MMS22L: variants seen among roughly 807,000 people sequenced by gnomAD.
MMS22L encodes the protein protein MMS22-like.
A neutral mutation model predicts 159.1 loss-of-function variants in MMS22L; 74 were observed. The ratio of observed to expected loss-of-function variants is 0.47; its 90% CI spans 0.39 to 0.56. The LOEUF is 0.56. MMS22L is among the 20% of genes least tolerant of loss of function. The pLI, the probability that MMS22L is intolerant of heterozygous loss-of-function variation, is 0.00. For missense variants in MMS22L, 1,351 were observed against 1,422.1 expected, an observed-to-expected ratio of 0.95 and a Z score of 0.80; for synonymous variants, 517 against 506.9, an observed-to-expected ratio of 1.02 and a Z score of -0.27.
intron 23 of MMS22L, among the ~76,000 whole-genome samples, chr6:97,151,272 T>C (rs1321091921): frequency 6.6e-6 from 1 of 152,234 alleles, no homozygotes; most frequent in Non-Finnish European, 1.5e-5. Flanking sequence ...ACCTTTTCTA[T>C]GTTTGGATAC....
intron 14 of MMS22L, among the ~76,000 whole-genome samples, chr6:97,227,105 C>A (rs913355970): frequency 2.0e-5 from 3 of 151,444 alleles, no homozygotes; most frequent in African/African-American, 7.3e-5. Context: ...TTAACAAAAA[C>A]CAAAAAGATT....
intron 14 of MMS22L, among the ~76,000 whole-genome samples, chr6:97,195,766 G>A (rs1035079234): frequency 1.3e-5 from 2 of 152,142 alleles, no homozygotes; most frequent in African/African-American, 4.8e-5. Context: ...TCAGGTAATG[G>A]CAAACAGAAT....
At chr6:97,190,051 T>G (rs371217969) in intron 14 of MMS22L, among the ~76,000 whole-genome samples, 5 of 152,196 alleles carry the variant, frequency 3.3e-5, no homozygotes, top group Non-Finnish European at 7.3e-5. Context: ...TAAAATCACA[T>G]GTTTGAACCA....
intron 3 of MMS22L, 129 bp from the exon 4 acceptor site, chr6:97,279,027 T>C: frequency 1.5e-6 from 1 of 645,978 alleles, no homozygotes; most frequent in East Asian, 2.9e-5. Context: ...ATTAATACCT[T>C]GTGAATGTTA....
At position 97,231,568 on chromosome 6, in the gene MMS22L, T is replaced by G; in HGVS notation, c.1387A>C (p.Lys463Gln). 6.2e-7 allele frequency: 1 copy of G among 1,613,894 alleles called. No homozygotes were observed. Among genetic ancestry groups the G allele is most frequent in the African/African-American group, 1.3e-5 (1 of 75,038 alleles). The part of the protein sequence containing the change: ...KSPLSMLEMV[K>Q]TCCCDKQDQE... ...TCTTGTTTATCGCAACAGCAAGTCT[T>G]CACCATTTCAAGCATAGACAAGGGT... The change falls in exon 13 of 25, where the codon AAG becomes CAG. Residue 463 changes from lysine to glutamine, a missense_variant. Lys to Gln is a moderately conservative substitution (Grantham distance 53, BLOSUM62 1). Transcript: ENST00000683635.
Position 97,178,566 on chromosome 6 carries a change from C to G in MMS22L, c.2556G>C (p.Gln852His). The G allele has an allele frequency of 6.5e-7, 1 of 1,536,606 alleles. No homozygotes were observed. The highest frequency in any genetic ancestry group is 8.9e-7 in the Non-Finnish European group (1 of 1,124,416). ...EEAVEKEYMK[Q>H]LVKLTRLLFN... is the part of the protein sequence containing the mutation. The stretch of plus-strand genomic sequence containing the variant: ...ATAGTAATCTTGTCAGTTTGACCAA[C>G]TGTTTCATGTACTCTTTTTCTGTTA... The change falls in exon 18 of 25, where the codon CAG becomes CAC. Residue 852 changes from glutamine to histidine, a missense_variant. By Grantham distance (24) the Gln-to-His change is conservative. Transcript: ENST00000683635.
At chr6:97,283,765 A>G (rs1194522590), upstream of MMS22L, among the ~76,000 whole-genome samples, 1 of 152,246 alleles carries the variant, frequency 6.6e-6, no homozygotes, top group Non-Finnish European at 1.5e-5. Context: ...TCAAGTGCAC[A>G]TGAAACATTC....
At chr6:97,225,444 G>A (rs1221645227) in intron 14 of MMS22L, among the ~76,000 whole-genome samples, 4 of 151,658 alleles carry the variant, frequency 2.6e-5, no homozygotes, top group African/African-American at 7.3e-5. Flanking sequence ...ACCACCTCCC[G>A]GGTTCAAGCA....
intron 4 of MMS22L, among the ~76,000 whole-genome samples, chr6:97,277,282 G>A (rs1248615635): frequency 6.6e-6 from 1 of 151,984 alleles, no homozygotes; most frequent in Non-Finnish European, 1.5e-5. Context: ...GTGTGGTGGT[G>A]TGCGCCTGTA....
chr6:97,269,933 T>C lies in MMS22L; in HGVS notation c.666A>G (p.Leu222=), dbSNP rs145915451. Residue 222 remains leucine (L), a synonymous_variant, in exon 7 of 25, where the codon CTA becomes CTG. Transcript: ENST00000683635. Reference sequence around the variant, plus strand: ...TTTCACCCAGCATGTAAAGAATTTCTAGCACCAGCCAATGTATATCCAAGT... The same window carrying C: ...TTTCACCCAGCATGTAAAGAATTTCCAGCACCAGCCAATGTATATCCAAGT... ...HLHLDIHWLV[L]EILYMLGEKL... The C allele has an allele frequency of 6.2e-7, 1 of 1,612,016 alleles. No homozygotes were observed. Among genetic ancestry groups the C allele is most frequent in the Non-Finnish European group, 8.5e-7 (1 of 1,178,830 alleles).
At position 97,233,716 on chromosome 6, in the gene MMS22L, T is replaced by C. The variant is rs780054345; in HGVS notation, c.1302+145A>G. The C allele has an allele frequency of 5.6e-6, 4 of 720,134 alleles. No individual in the cohort carries two copies. In the South Asian group the frequency reaches 1.2e-4, roughly 22 times the overall value. 44.6% of individuals were successfully genotyped at this position (720,134 alleles called of 1,614,324 possible). A position where few individuals can be genotyped will look rare whatever the true frequency, so the allele number is the denominator to read the frequency against. On this transcript the variant is annotated intron_variant, in intron 12 of 24. Coordinates refer to ENST00000683635, the MANE Select transcript of MMS22L (RefSeq NM_001350599.2). ...CTCTACAATGTTAAAGATAAAACTA[T>C]TCACGAGCTACTCCAATCTACTCTG...
chr6:97,247,704 C>G (rs1812815600), intron 10 of MMS22L, among the ~76,000 whole-genome samples: 1 of 151,728 alleles, frequency 6.6e-6, no homozygotes, highest in Non-Finnish European at 1.5e-5. Context: ...GGTGACAGAA[C>G]AAGACTTCGT....
At chr6:97,193,695 T>C (rs996746573) in intron 14 of MMS22L, among the ~76,000 whole-genome samples, 18 of 152,180 alleles carry the variant, frequency 1.2e-4, no homozygotes, top group African/African-American at 2.9e-4. Context: ...AATCATAATA[T>C]TTACTATTTG....
rs1815330094 is a variant in MMS22L, at chr6:97,268,100, T to C, written c.698-98A>G. The C allele has an allele frequency of 5.8e-6, 5 of 857,692 alleles. No homozygotes were observed. The South Asian group carries it at 1.6e-4, about 27-fold the overall frequency. The allele number at this position is 857,692 out of a possible 1,614,324, so 53.1% of individuals were successfully genotyped here. ...TTTAAATTATAACAAAACTAAAACA[T>C]ACAGTTTTTAATTTTTTTTTGCAAA... is the stretch of plus-strand genomic sequence containing the variant. On this transcript the variant is annotated intron_variant, in intron 7 of 24. Transcript: ENST00000683635.
intron 22 of MMS22L, among the ~76,000 whole-genome samples, chr6:97,152,947 C>T (rs550182384): frequency 4.2e-4 from 64 of 151,854 alleles, no homozygotes; most frequent in Middle Eastern, 6.8e-3. Flanking sequence ...GCCATCCTCC[C>T]ACCTCAGCCT....
chr6:97,272,809 G>C lies in MMS22L; in HGVS notation c.501C>G (p.Pro167=), dbSNP rs752924578. ...CATGAAGCTCATCAATCAACACTGA[G>C]GGAAGCTGAGCCTCCAAAGCCTCAT... ...HPYEALEAQL[P]SVLIDELHGL... is the part of the protein sequence containing the mutation. The change falls in exon 6 of 25, where the codon CCC becomes CCG. Residue 167 remains proline (P), a synonymous_variant. Transcript: ENST00000683635. 29 of 1,613,832 alleles carry C rather than the reference G, an allele frequency of 1.8e-5. No homozygotes were observed. Among genetic ancestry groups the C allele is most frequent in the Non-Finnish European group, 2.0e-5 (24 of 1,179,900 alleles).
chr6:97,226,285 G>A (rs1582693493), intron 14 of MMS22L, among the ~76,000 whole-genome samples: 1 of 152,130 alleles, frequency 6.6e-6, no homozygotes, highest in Admixed American at 6.5e-5. Flanking sequence ...GCAAAACAAA[G>A]ATCATCTATT....
chr6:97,160,722 A>G (rs551555841), intron 22 of MMS22L, among the ~76,000 whole-genome samples: 99 of 151,942 alleles, frequency 6.5e-4, no homozygotes, highest in African/African-American at 2.3e-3. Context: ...CTTCTGGTTC[A>G]CCTGTTGTAT....
intron 14 of MMS22L, among the ~76,000 whole-genome samples, chr6:97,198,079 T>C (rs757050404): frequency 1.3e-5 from 2 of 152,074 alleles, no homozygotes; most frequent in African/African-American, 2.4e-5. Context: ...GGCTATAAGG[T>C]TTGGTAATAA....
Sources: allele counts gnomAD v4.1 joint callset (sites outside exome capture counted in the v4.1 genomes callset), GRCh38; gene constraint gnomAD v4.1.1; transcripts MANE v1.5; gene names NCBI Gene and HGNC (gene_info 2026-07-23, HGNC 2026-07-21).